Variants in SLC25A34 observed in about 807,000 individuals in gnomAD.
SLC25A34 encodes solute carrier family 25 member 34.
A neutral mutation model predicts 28.1 loss-of-function variants in SLC25A34; 26 were observed. The observed-to-expected ratio is 0.93, with a 90% CI of 0.68 to 1.28. The LOEUF (loss-of-function observed/expected upper bound fraction) is 1.28. Among genes scored for constraint, SLC25A34 ranks in the 50% most tolerant of loss-of-function variants. The pLI is 0.00. For missense variants in SLC25A34, 384 were observed against 409.8 expected (o/e 0.94, Z 0.54); for synonymous variants, 182 against 182.2 (o/e 1.00, Z 0.01).
In SLC25A34 at chr1:15,740,155, A is replaced by T. The variant is rs2068266333; in HGVS notation, c.*749A>T. 6.6e-6 allele frequency: 1 copy of T among 152,088 alleles called. No individual in the cohort carries two copies. Among genetic ancestry groups the T allele is most frequent in the Admixed American group, 6.6e-5 (1 of 15,256 alleles). 9.4% of individuals were successfully genotyped at this position (152,088 alleles called of 1,614,324 possible). A position where few individuals can be genotyped will look rare whatever the true frequency, so the allele number is the denominator to read the frequency against. On this transcript the variant is annotated 3_prime_UTR_variant, in exon 5 of 5. Coordinates refer to ENST00000294454, the MANE Select transcript of SLC25A34 (RefSeq NM_207348.3). ...TGAGGCCTCTGTCCATGGCTTGCAG[A>T]TGCTGCTTTCTCTCTGTGTCTGCAC...
chr1:15,738,718 C>T lies in SLC25A34; in HGVS notation c.722C>T (p.Thr241Ile). 6.3e-7 allele frequency: 1 copy of T among 1,576,284 alleles called. No homozygotes were observed. The highest frequency in any genetic ancestry group is 8.6e-7 in the Non-Finnish European group (1 of 1,160,578). The change falls in exon 4 of 5, where the codon ACA becomes ATA. Residue 241 changes from threonine (T) to isoleucine (I), a missense_variant. Transcript: ENST00000294454. ...STRLYNQPVD[T>I]AGRGQLYGGL... ...CGGCTATACAATCAGCCGGTGGACA[C>T]AGCTGGCAGGGTGAGCAGGGGCGGG... is the stretch of plus-strand genomic sequence containing the variant.
chr1:15,738,815 CACA>C (rs1280110530), intron 4 of SLC25A34, 87 bp downstream of exon 4: 4 of 1,312,302 alleles, frequency 3.0e-6, no homozygotes, highest in Non-Finnish European at 3.9e-6. Context: ...CTCACACACT[CACA>C]CTCACACATG....
In SLC25A34 at chr1:15,739,420, C is replaced by CCCCCACGTCCTGA. The variant is rs1553162596; in HGVS notation, c.*16_*28dup. On this transcript the variant is annotated 3_prime_UTR_variant, in exon 5 of 5. Coordinates refer to ENST00000294454, the MANE Select transcript of SLC25A34 (RefSeq NM_207348.3). ...AAGGGCACCTAGACGACGGCCCTCA[C>CCCCCACGTCCTGA]CCCCACGTCCTGACACGGCCGGCAC... 1 of 1,494,410 alleles carries CCCCCACGTCCTGA rather than the reference C, an allele frequency of 6.7e-7. No individual in the cohort carries two copies. The highest frequency in any genetic ancestry group is 1.4e-5 in the African/African-American group (1 of 70,330). 92.6% of individuals were successfully genotyped at this position (1,494,410 alleles called of 1,614,324 possible). A position where few individuals can be genotyped will look rare whatever the true frequency, so the allele number is the denominator to read the frequency against.
intron 4 of SLC25A34, 110 bp from the exon 5 acceptor site, chr1:15,739,114 G>C: frequency 7.4e-7 from 1 of 1,356,902 alleles, no homozygotes. Flanking sequence ...CCAATACAAA[G>C]GTGCTGTCCA....
At position 15,738,250 on chromosome 1, in the gene SLC25A34, G is replaced by A. The variant is rs749053089; in HGVS notation, c.597+5G>A. 6.3e-7 allele frequency: 1 copy of A among 1,592,470 alleles called. No individual in the cohort carries two copies. The highest frequency in any genetic ancestry group is 8.5e-7 in the Non-Finnish European group (1 of 1,170,548). Reference sequence around the variant, plus strand: ...GCCTGGGTACAGAAGCAACAGGTGAGGAGCTGGGGACACCTGTGCCTATCC... The same window carrying A: ...GCCTGGGTACAGAAGCAACAGGTGAAGAGCTGGGGACACCTGTGCCTATCC... On this transcript the variant is annotated splice_donor_5th_base_variant and intron_variant, in intron 3 of 4. Coordinates refer to ENST00000294454, the MANE Select transcript of SLC25A34 (RefSeq NM_207348.3).
At chr1:15,737,575 A>G (rs1219678974) in intron 1 of SLC25A34, among the ~76,000 whole-genome samples, 2 of 151,878 alleles carry the variant, frequency 1.3e-5, no homozygotes, top group Non-Finnish European at 2.9e-5. Flanking sequence ...GCCTCAAAAA[A>G]AAAAAAAGGA....
chr1:15,738,456 C>T (rs933484607), intron 3 of SLC25A34, 138 bp from the exon 4 acceptor site: 10 of 1,343,644 alleles, frequency 7.4e-6, no homozygotes, highest in Non-Finnish European at 8.9e-6. Flanking sequence ...GGTGGCAGGG[C>T]TGGGGGATGG....
In SLC25A34 at chr1:15,739,285, T is replaced by C. The variant is rs767062701; in HGVS notation, c.794T>C (p.Leu265Pro). 1.2e-6 allele frequency: 2 copies of C among 1,612,140 alleles called. No homozygotes were observed. The highest frequency in any genetic ancestry group is 3.3e-5 in the Admixed American group (2 of 59,892). ...AAGATCTGGCGGCAGGAGGGCCCCC[T>C]GGCACTCTACAAGGGCCTGGGCCCC... is the stretch of plus-strand genomic sequence containing the variant. ...MVKIWRQEGP[L>P]ALYKGLGPAY... The change falls in exon 5 of 5, where the codon CTG (leucine) becomes CCG (proline). Residue 265 changes from leucine to proline, a missense_variant. Coordinates refer to ENST00000294454, the MANE Select transcript of SLC25A34 (RefSeq NM_207348.3).
intron 1 of SLC25A34, among the ~76,000 whole-genome samples, chr1:15,737,569 CA>C (rs5772650): frequency 0.28 from 35,972 of 126,542 alleles, 4,717 homozygotes; most frequent in African/African-American, 0.4. Flanking sequence ...GACTCTGCCT[CA>C]AAAAAAAAAA....
intron 1 of SLC25A34, 43 bp from the exon 2 acceptor site, chr1:15,737,886 C>T (rs1205122601): frequency 6.2e-7 from 1 of 1,611,354 alleles, no homozygotes; most frequent in East Asian, 2.2e-5. Flanking sequence ...CCCTGGCTCT[C>T]CCAGGCTCCA....
At chr1:15,738,068 G>T (rs762714057) in intron 2 of SLC25A34, 25 bp from the exon 3 acceptor site, 1 of 1,612,144 alleles carries the variant, frequency 6.2e-7, no homozygotes, top group South Asian at 1.1e-5. Flanking sequence ...GGGGTGGCCA[G>T]TGACCCCGTG....
intron 3 of SLC25A34, 71 bp from the exon 4 acceptor site, chr1:15,738,520 TAGG>T: frequency 6.5e-7 from 1 of 1,544,378 alleles, no homozygotes; most frequent in Non-Finnish European, 8.7e-7. Flanking sequence ...CCCTGTGTGG[TAGG>T]AGGCCGGGAG....
intron 1 of SLC25A34, among the ~76,000 whole-genome samples, chr1:15,737,222 G>T (rs1317384411): frequency 6.6e-6 from 1 of 152,198 alleles, no homozygotes; most frequent in East Asian, 1.9e-4. Context: ...GCACTCTGCA[G>T]GGGGGCCTCA....
Position 15,740,176 on chromosome 1 carries a change from T to C in SLC25A34, c.*770T>C, listed in dbSNP as rs1164306419. ...GCAGATGCTGCTTTCTCTCTGTGTC[T>C]GCACATGGTGGTCCCTCGATGTGCG... On this transcript the variant is annotated 3_prime_UTR_variant, in exon 5 of 5. Coordinates refer to ENST00000294454, the MANE Select transcript of SLC25A34 (RefSeq NM_207348.3). The C allele has an allele frequency of 6.6e-6, 1 of 152,236 alleles. No individual in the cohort carries two copies. The highest frequency in any genetic ancestry group is 1.5e-5 in the Non-Finnish European group (1 of 68,064). The allele number at this position is 152,236 out of a possible 1,614,324, so 9.4% of individuals were successfully genotyped here. A position where few individuals can be genotyped will look rare whatever the true frequency, so the allele number is the denominator to read the frequency against.
In SLC25A34 at chr1:15,736,334, A is replaced by T; in HGVS notation, c.-152A>T. The stretch of plus-strand genomic sequence containing the variant: ...GACACCAGGCAGCCACAGGCCTGTC[A>T]GACCAGGACCCTTACCCTCTAGACA... On this transcript the variant is annotated 5_prime_UTR_variant, in exon 1 of 5. Transcript: ENST00000294454. 2 of 741,388 alleles carry T rather than the reference A, an allele frequency of 2.7e-6. No individual in the cohort carries two copies. Among genetic ancestry groups the T allele is most frequent in the Non-Finnish European group, 3.7e-6 (2 of 533,496 alleles). 45.9% of individuals were successfully genotyped at this position (741,388 alleles called of 1,614,324 possible).
At chr1:15,737,634 G>A in intron 1 of SLC25A34, 1 of 409,282 alleles carries the variant, frequency 2.4e-6, no homozygotes. Context: ...CCTTGCCCTT[G>A]GCTGGTGCTG....
In SLC25A34 at chr1:15,736,565, T is replaced by C; in HGVS notation, c.80T>C (p.Leu27Pro). Residue 27 changes from leucine to proline, a missense_variant, in exon 1 of 5, where the codon CTG becomes CCG. By Grantham distance (98) the Leu-to-Pro change is moderately conservative. Coordinates refer to ENST00000294454, the MANE Select transcript of SLC25A34 (RefSeq NM_207348.3). ...CCLACVFTNP[L>P]EVVKTRLQLQ... Reference sequence around the variant, plus strand: ...CTGGCCTGTGTCTTCACCAACCCCCTGGAGGTGGTGAAGACGCGGCTGCAG... The same window carrying C: ...CTGGCCTGTGTCTTCACCAACCCCCCGGAGGTGGTGAAGACGCGGCTGCAG... 6.7e-7 allele frequency: 1 copy of C among 1,489,824 alleles called. No homozygotes were observed. The highest frequency in any genetic ancestry group is 1.4e-5 in the African/African-American group (1 of 70,964). 92.3% of individuals were successfully genotyped at this position (1,489,824 alleles called of 1,614,324 possible). A position where few individuals can be genotyped will look rare whatever the true frequency, so the allele number is the denominator to read the frequency against.
At chr1:15,739,042 A>T in intron 4 of SLC25A34, 182 bp from the exon 5 acceptor site, 1 of 757,340 alleles carries the variant, frequency 1.3e-6, no homozygotes, top group Non-Finnish European at 2.1e-6. Flanking sequence ...GGGAGGAGCC[A>T]GAACTGGAAT....
Position 15,736,497 on chromosome 1 carries a change from G to T in SLC25A34, c.12G>T (p.Val4=), listed in dbSNP as rs751907913. Residue 4 remains valine (V), a synonymous_variant, in exon 1 of 5, where the codon GTG becomes GTT. Transcript: ENST00000294454. ...CTGGCCCGGAGGCCATGGAGACGGTGCCCCCAGCAGTGGACCTGGTGCTGG... is the reference window on the plus strand; with the variant it reads ...CTGGCCCGGAGGCCATGGAGACGGTTCCCCCAGCAGTGGACCTGGTGCTGG... MET[V]PPAVDLVLGA... 14 of 1,447,436 alleles carry T rather than the reference G, an allele frequency of 9.7e-6. No homozygotes were observed. The African/African-American group carries it at 1.4e-4, about 15-fold the overall frequency. The allele number at this position is 1,447,436 out of a possible 1,614,324, so 89.7% of individuals were successfully genotyped here. A position where few individuals can be genotyped will look rare whatever the true frequency, so the allele number is the denominator to read the frequency against.
Sources: allele counts gnomAD v4.1 joint callset (sites outside exome capture counted in the v4.1 genomes callset), GRCh38; gene constraint gnomAD v4.1.1; transcripts MANE v1.5; gene names NCBI Gene and HGNC (gene_info 2026-07-23, HGNC 2026-07-21).